The following NINJ1 variants were observed in gnomAD, a reference collection of about 807,000 sequenced individuals.
NINJ1 encodes ninjurin 1.
In NINJ1, 6 loss-of-function variants were observed where a neutral mutation model predicts 12.7. That is an observed-to-expected ratio of 0.47 (90% CI 0.26 to 0.93). The LOEUF (loss-of-function observed/expected upper bound fraction) is 0.93. Ranked by LOEUF, NINJ1 falls within the 40% of genes least tolerant of loss-of-function variation. The probability of loss-of-function intolerance (pLI) is 0.15; values close to 1 mark genes in which losing one functional copy is unlikely to be tolerated. For synonymous variants in NINJ1, 100 were observed against 96.0 expected (o/e 1.04, Z -0.25); for missense variants, 170 against 213.0 (o/e 0.80, Z 1.26).
In NINJ1 at chr9:93,132,369, G is replaced by A. The variant is rs188257762; in HGVS notation, c.75+1774C>T. On this transcript the variant is annotated intron_variant, in intron 1 of 3. Transcript: ENST00000375446. ...TCAGGCCTGCAAGGCCCCTCCCATC[G>A]GCCTGGCTTCCCATCCCCCCACCTC... 2.5e-3 allele frequency among the ~76,000 whole-genome samples: 382 copies of A among 152,264 alleles called. 2 individuals carry two copies. Among genetic ancestry groups the A allele is most frequent in the African/African-American group, 8.9e-3 (369 of 41,542 alleles).
chr9:93,127,157 A>G (rs1326738619), intron 1 of NINJ1, among the ~76,000 whole-genome samples: 1 of 152,136 alleles, frequency 6.6e-6, no homozygotes, highest in Non-Finnish European at 1.5e-5. Context: ...TTGGGGCCCA[A>G]CAGGCCACTC....
Position 93,134,196 on chromosome 9 carries a change from ACTC to A in NINJ1, c.19_21del (p.Glu7del), listed in dbSNP as rs1343831733. The A allele has an allele frequency of 1.3e-6, 2 of 1,528,612 alleles. No homozygotes were observed. The highest frequency in any genetic ancestry group is 1.8e-6 in the Non-Finnish European group (2 of 1,135,274). The allele number at this position is 1,528,612 out of a possible 1,614,324, so 94.7% of individuals were successfully genotyped here. On this transcript the variant is annotated inframe_deletion, in exon 1 of 4. Coordinates refer to ENST00000375446, the MANE Select transcript of NINJ1 (RefSeq NM_004148.4). Reference sequence around the variant, plus strand: ...GGAGGCAGGCCGCCGTTGAGCTCGTACTCCTCGGTTCCCGAGTCCATGGTGCGG... The same window carrying A: ...GGAGGCAGGCCGCCGTTGAGCTCGTACTCGGTTCCCGAGTCCATGGTGCGG...
chr9:93,130,800 T>A (rs913796574), intron 1 of NINJ1, among the ~76,000 whole-genome samples: 1 of 152,082 alleles, frequency 6.6e-6, no homozygotes, highest in East Asian at 1.9e-4. Flanking sequence ...CACAAAACAG[T>A]CACACAGCAA....
chr9:93,127,092 C>T (rs1344181005), intron 1 of NINJ1, among the ~76,000 whole-genome samples: 1 of 152,154 alleles, frequency 6.6e-6, no homozygotes, highest in Non-Finnish European at 1.5e-5. Flanking sequence ...AGCAAGTCCT[C>T]CTGGGCCGGA....
At chr9:93,123,599 A>G (rs957643981) in intron 3 of NINJ1, among the ~76,000 whole-genome samples, 29 of 152,140 alleles carry the variant, frequency 1.9e-4, no homozygotes, top group African/African-American at 6.5e-4. Context: ...AAATTTTTAT[A>G]TATCCTTGAC....
At chr9:93,127,961 C>A (rs1363616326) in intron 1 of NINJ1, among the ~76,000 whole-genome samples, 2 of 152,252 alleles carry the variant, frequency 1.3e-5, no homozygotes, top group Non-Finnish European at 2.9e-5. Context: ...CAGCAGAGGG[C>A]AGGGGCCTTG....
At chr9:93,132,295 T>G (rs1827906346) in intron 1 of NINJ1, among the ~76,000 whole-genome samples, 1 of 152,162 alleles carries the variant, frequency 6.6e-6, no homozygotes, top group Non-Finnish European at 1.5e-5. Context: ...GTGCTCATCC[T>G]CACACTGGCT....
intron 2 of NINJ1, 166 bp downstream of exon 2, chr9:93,126,243 GA>G (rs895312695): frequency 1.2e-5 from 7 of 570,716 alleles, no homozygotes; most frequent in African/African-American, 2.0e-5. Flanking sequence ...AGGGTGGGGG[GA>G]GGGGGGGTGC....
intron 2 of NINJ1, 107 bp downstream of exon 2, chr9:93,126,303 C>T (rs1827808042): frequency 8.6e-6 from 8 of 925,718 alleles, no homozygotes; most frequent in South Asian, 8.2e-5. Context: ...AACTCGGCAG[C>T]TCCTTGAGAG....
intron 1 of NINJ1, among the ~76,000 whole-genome samples, chr9:93,130,325 A>C (rs1249178536): frequency 6.6e-6 from 1 of 152,188 alleles, no homozygotes; most frequent in Non-Finnish European, 1.5e-5. Context: ...TTCAGTGAGC[A>C]TCCTCAGCTC....
chr9:93,128,861 G>C (rs1452599462), intron 1 of NINJ1, among the ~76,000 whole-genome samples: 1 of 152,156 alleles, frequency 6.6e-6, no homozygotes, highest in Non-Finnish European at 1.5e-5. Flanking sequence ...ACACACATGT[G>C]CACACAATAC....
chr9:93,126,687 G>T (rs558793520), intron 1 of NINJ1, 49 bp from the exon 2 acceptor site: 1 of 1,475,042 alleles, frequency 6.8e-7, no homozygotes, highest in African/African-American at 1.4e-5. Flanking sequence ...GGGGGGCAAG[G>T]GCTGTGCCTG....
chr9:93,125,254 C>T (rs1187688024), intron 2 of NINJ1, 192 bp from the exon 3 acceptor site: 18 of 545,116 alleles, frequency 3.3e-5, no homozygotes, highest in Non-Finnish European at 5.3e-5. Flanking sequence ...GACAACAGCG[C>T]CCCTGGCTTG....
chr9:93,126,844 G>C (rs191589068), intron 1 of NINJ1, among the ~76,000 whole-genome samples: 37 of 152,280 alleles, frequency 2.4e-4, no homozygotes, highest in Admixed American at 6.5e-4. Context: ...CTAGGAATAC[G>C]GTCCTGGAGA....
intron 2 of NINJ1, 162 bp from the exon 3 acceptor site, chr9:93,125,224 ATC>A (rs762751489): frequency 1.6e-5 from 11 of 672,558 alleles, no homozygotes; most frequent in Non-Finnish European, 2.1e-5. Context: ...AGAAAAATAC[ATC>A]TGTTTTGCTG....
intron 1 of NINJ1, among the ~76,000 whole-genome samples, chr9:93,127,242 C>A (rs1328024108): frequency 1.3e-5 from 2 of 152,244 alleles, no homozygotes; most frequent in African/African-American, 4.8e-5. Context: ...GTGGGCCACC[C>A]AGAGCCCGGC....
At chr9:93,123,684 C>A (rs1213883492) in intron 3 of NINJ1, among the ~76,000 whole-genome samples, 2 of 152,234 alleles carry the variant, frequency 1.3e-5, no homozygotes, top group African/African-American at 4.8e-5. Context: ...GAGATGGCCA[C>A]CTGCCAGGAG....
chr9:93,133,354 G>A lies in NINJ1; in HGVS notation c.75+789C>T, dbSNP rs186668691. Among the ~76,000 whole-genome samples, 16 of 152,350 alleles carry A rather than the reference G, an allele frequency of 1.1e-4. No homozygotes were observed. The East Asian group carries it at 1.7e-3, about 17-fold the overall frequency. ...GCTGTTCCCTGCCCCCATCCCTGAGGGGGTTAGAAAAGGAAAGAATGTTCA... is the reference window on the plus strand; with the variant it reads ...GCTGTTCCCTGCCCCCATCCCTGAGAGGGTTAGAAAAGGAAAGAATGTTCA... On this transcript the variant is annotated intron_variant, in intron 1 of 3. Transcript: ENST00000375446.
At chr9:93,124,872 G>A (rs13298119) in intron 3 of NINJ1, 27 bp downstream of exon 3, 228,948 of 1,575,354 alleles carry the variant, frequency 0.15, 17,854 homozygotes, top group African/African-American at 0.19. Context: ...CAGGACTGCA[G>A]GCCTCGCGCC....
Sources: gnomAD v4.1 joint callset for allele counts (sites outside exome capture counted in the v4.1 genomes callset) on GRCh38, gnomAD v4.1.1 for gene constraint, MANE v1.5 for transcripts, NCBI Gene and HGNC (gene_info 2026-07-23, HGNC 2026-07-21) for gene names.